SCNN1B: variants seen among roughly 807,000 people sequenced by gnomAD.
SCNN1B encodes the protein sodium channel epithelial 1 subunit beta.
In SCNN1B, 46 loss-of-function variants were observed where a neutral mutation model predicts 65.3. That is an observed-to-expected ratio of 0.70 (90% CI 0.56 to 0.90). The LOEUF (loss-of-function observed/expected upper bound fraction) is 0.90, where lower values mean the gene tolerates loss of function less well. Ranked by LOEUF, SCNN1B falls within the 40% of genes least tolerant of loss-of-function variation. The pLI, the probability that SCNN1B is intolerant of heterozygous loss-of-function variation, is 0.00. For synonymous variants in SCNN1B, 349 were observed against 330.6 expected, an observed-to-expected ratio of 1.06 and a Z score of -0.60; for missense variants, 751 against 830.5, an observed-to-expected ratio of 0.90 and a Z score of 1.18.
chr16:23,332,489 A>T (rs1961834387), intron 1 of SCNN1B, among the ~76,000 whole-genome samples: 1 of 151,358 alleles, frequency 6.6e-6, no homozygotes, highest in African/African-American at 2.4e-5. Flanking sequence ...AAAGCACAGC[A>T]CCCGGCCTCG....
At chr16:23,310,290 C>CAAAAAA (rs202228096) in intron 1 of SCNN1B, among the ~76,000 whole-genome samples, 2 of 92,998 alleles carry the variant, frequency 2.2e-5, no homozygotes, top group Non-Finnish European at 4.5e-5. Flanking sequence ...TCTGCATGAC[C>CAAAAAA]AAAAAAAAAA....
chr16:23,333,422 C>G (rs1011482319), intron 1 of SCNN1B, among the ~76,000 whole-genome samples: 1 of 152,218 alleles, frequency 6.6e-6, no homozygotes, highest in Admixed American at 6.5e-5. Context: ...GACCTCTTCT[C>G]TGCTTGGCCA....
chr16:23,342,444 A>G (rs771119892), intron 1 of SCNN1B, among the ~76,000 whole-genome samples: 5 of 152,184 alleles, frequency 3.3e-5, no homozygotes, highest in Non-Finnish European at 7.3e-5. Context: ...ACAGGGCTGT[A>G]CCATATTGGC....
At position 23,377,219 on chromosome 16, in the gene SCNN1B, G is replaced by T. The variant is rs1799980; in HGVS notation, c.1325G>T (p.Gly442Val). 11,045 of 1,614,172 alleles carry T rather than the reference G, an allele frequency of 6.8e-3. 640 individuals carry two copies. The African/African-American group carries it at 0.13, about 18-fold the overall frequency. ...MSVAQRETCIGMCKESCNDTQ... is the reference protein window; with the variant it reads ...MSVAQRETCIVMCKESCNDTQ... ...GTGGCGCAGAGAGAGACCTGCATTG[G>T]CATGTGCAAGGAGTCCTGCAAGTGA... Residue 442 changes from glycine (G) to valine (V), a missense_variant, in exon 9 of 13, where the codon GGC (glycine) becomes GTC (valine). Gly to Val is a moderately radical substitution (Grantham distance 109). Transcript: ENST00000343070.
chr16:23,313,481 C>T (rs746213372), intron 1 of SCNN1B, among the ~76,000 whole-genome samples: 2 of 152,198 alleles, frequency 1.3e-5, no homozygotes, highest in Non-Finnish European at 2.9e-5. Flanking sequence ...GTTTGCCTTA[C>T]GTACAAGGAC....
At chr16:23,306,426 T>TTGCTGA (rs1048498610) in intron 1 of SCNN1B, among the ~76,000 whole-genome samples, 1 of 152,106 alleles carries the variant, frequency 6.6e-6, no homozygotes, top group Non-Finnish European at 1.5e-5. Flanking sequence ...TGTCTAACCA[T>TTGCTGA]TGCTGATGCT....
intron 1 of SCNN1B, among the ~76,000 whole-genome samples, chr16:23,345,255 C>T (rs1318715231): frequency 6.6e-6 from 1 of 152,180 alleles, no homozygotes; most frequent in African/African-American, 2.4e-5. Flanking sequence ...CTGCTGCCCT[C>T]AAGGGGCTTG....
intron 7 of SCNN1B, among the ~76,000 whole-genome samples, chr16:23,374,417 T>C (rs1962848857): frequency 6.7e-6 from 1 of 148,702 alleles, no homozygotes; most frequent in African/African-American, 2.5e-5. Context: ...CTACTAAAAA[T>C]ACAAAAATCA....
chr16:23,369,590 C>A (rs1962742034), intron 5 of SCNN1B, among the ~76,000 whole-genome samples: 1 of 152,076 alleles, frequency 6.6e-6, no homozygotes, highest in Admixed American at 6.6e-5. Context: ...TCCCTCCTCC[C>A]ATCTCTAGGT....
intron 2 of SCNN1B, among the ~76,000 whole-genome samples, chr16:23,288,678 A>G (rs8061489): frequency 0.24 from 36,531 of 152,040 alleles, 4,673 homozygotes; most frequent in South Asian, 0.31. Flanking sequence ...GTGTGGTGGT[A>G]CCCACCTGTG....
chr16:23,371,854 A>G lies in SCNN1B; in HGVS notation c.1123A>G (p.Ser375Gly), dbSNP rs1962792681. 6.2e-7 allele frequency: 1 copy of G among 1,614,072 alleles called. No homozygotes were observed. The highest frequency in any genetic ancestry group is 8.5e-7 in the Non-Finnish European group (1 of 1,179,872). Residue 375 changes from serine (S) to glycine (G), a missense_variant, in exon 7 of 13, where the codon AGT becomes GGT. Coordinates refer to ENST00000343070, the MANE Select transcript of SCNN1B (RefSeq NM_000336.3). The stretch of plus-strand genomic sequence containing the variant: ...TGAGGTCCCCGTCCAAAACTTCTAC[A>G]GTGACTACAACACGACCTACTCCAT... ...GSEVPVQNFY[S>G]DYNTTYSIQA...
At chr16:23,352,346 A>G (rs948504029) in intron 2 of SCNN1B, among the ~76,000 whole-genome samples, 18 of 152,220 alleles carry the variant, frequency 1.2e-4, no homozygotes, top group African/African-American at 4.3e-4. Flanking sequence ...CTGGAGTAGC[A>G]GTGTGATATG....
At chr16:23,305,164 A>T (rs1961167606) in intron 1 of SCNN1B, among the ~76,000 whole-genome samples, 1 of 152,118 alleles carries the variant, frequency 6.6e-6, no homozygotes, top group Non-Finnish European at 1.5e-5. Flanking sequence ...GTTACTTACA[A>T]AAGGCCTAAG....
chr16:23,349,221 T>C (rs1057407299), intron 2 of SCNN1B, among the ~76,000 whole-genome samples: 6 of 152,154 alleles, frequency 3.9e-5, no homozygotes, highest in African/African-American at 1.2e-4. Flanking sequence ...CAGTGGCCTG[T>C]AATAACAGCA....
intron 4 of SCNN1B, among the ~76,000 whole-genome samples, chr16:23,360,201 A>AAAAAAAAAAAAATAAAT (rs1555488432): frequency 3.0e-5 from 4 of 132,750 alleles, no homozygotes; most frequent in Non-Finnish European, 5.0e-5. Context: ...CCATCTCAAA[A>AAAAAAAAAAAAATAAAT]AAATAAATAA....
intron 1 of SCNN1B, among the ~76,000 whole-genome samples, chr16:23,346,968 C>A (rs749533052): frequency 5.3e-5 from 8 of 152,078 alleles, no homozygotes; most frequent in African/African-American, 1.9e-4. Flanking sequence ...GAGATTTGCT[C>A]AAAGTCACAA....
chr16:23,283,090 C>T (rs1960804307), intron 1 of SCNN1B, among the ~76,000 whole-genome samples: 1 of 152,240 alleles, frequency 6.6e-6, no homozygotes, highest in East Asian at 1.9e-4. Flanking sequence ...AACATCATAG[C>T]TTAGTCTAGC....
intron 4 of SCNN1B, among the ~76,000 whole-genome samples, chr16:23,356,488 G>T (rs374423322): frequency 2.2e-4 from 34 of 152,174 alleles, no homozygotes; most frequent in African/African-American, 7.2e-4. Flanking sequence ...GCCAGATATA[G>T]TCATGCTCAC....
chr16:23,294,436 A>G (rs1347220716), intron 2 of SCNN1B, among the ~76,000 whole-genome samples: 1 of 151,876 alleles, frequency 6.6e-6, no homozygotes, highest in Non-Finnish European at 1.5e-5. Context: ...ACACTGGCCT[A>G]TAAGACTCTC....
Sources: gnomAD v4.1 joint callset for allele counts (sites outside exome capture counted in the v4.1 genomes callset) on GRCh38, gnomAD v4.1.1 for gene constraint, MANE v1.5 for transcripts, NCBI Gene and HGNC (gene_info 2026-07-23, HGNC 2026-07-21) for gene names.